The following WDR76 variants were observed in gnomAD, a reference collection of about 807,000 sequenced individuals.
WDR76 encodes WD repeat domain 76.
Under a neutral mutation model 70.2 loss-of-function variants are expected in WDR76, and 52 were observed. That is an observed-to-expected ratio of 0.74 (90% CI 0.59 to 0.93). WDR76 has a LOEUF of 0.93. Ranked by LOEUF, WDR76 falls within the 40% of genes least tolerant of loss-of-function variation. The probability of loss-of-function intolerance (pLI) is 0.00; values close to 1 mark genes in which losing one functional copy is unlikely to be tolerated. For missense variants in WDR76, 756 were observed against 760.2 expected, an observed-to-expected ratio of 0.99 and a Z score of 0.07; for synonymous variants, 292 against 271.1, an observed-to-expected ratio of 1.08 and a Z score of -0.76.
rs2087958602 is a variant in WDR76, at chr15:43,858,512, C to CTGGG, written c.1410-158_1410-155dup. 8.3e-6 allele frequency: 7 copies of CTGGG among 842,934 alleles called. No individual in the cohort carries two copies. The South Asian group carries it at 1.2e-4, about 14-fold the overall frequency. 52.2% of individuals were successfully genotyped at this position (842,934 alleles called of 1,614,324 possible). A position where few individuals can be genotyped will look rare whatever the true frequency, so the allele number is the denominator to read the frequency against. On this transcript the variant is annotated intron_variant, in intron 10 of 12. Transcript: ENST00000263795. Reference sequence around the variant, plus strand: ...CCACCTGCCTCCACCTCCCAAAGTGCTGGGATTACAGACTTGAGCCACCGC... The same window carrying CTGGG: ...CCACCTGCCTCCACCTCCCAAAGTGCTGGGTGGGATTACAGACTTGAGCCACCGC...
chr15:43,844,623 A>G (rs2140303783), intron 8 of WDR76, among the ~76,000 whole-genome samples: 1 of 151,254 alleles, frequency 6.6e-6, no homozygotes, highest in African/African-American at 2.4e-5. Context: ...CAAAAAAAAA[A>G]AAAGGGCTGG....
chr15:43,864,965 C>T (rs1027704645), intron 12 of WDR76, among the ~76,000 whole-genome samples: 10 of 152,186 alleles, frequency 6.6e-5, no homozygotes, highest in African/African-American at 1.2e-4. Flanking sequence ...CCCTCTGACA[C>T]GGGGGCTGGA....
intron 2 of WDR76, among the ~76,000 whole-genome samples, chr15:43,832,253 G>A (rs1322830586): frequency 6.6e-6 from 1 of 151,850 alleles, no homozygotes; most frequent in Non-Finnish European, 1.5e-5. Flanking sequence ...TTTCTGGCTG[G>A]GTGTGGTAAG....
intron 12 of WDR76, among the ~76,000 whole-genome samples, chr15:43,864,756 G>A (rs564063568): frequency 6.6e-6 from 1 of 151,810 alleles, no homozygotes; most frequent in South Asian, 2.1e-4. Flanking sequence ...ACAATGCCTG[G>A]CTAACTTTCC....
At chr15:43,850,099 G>C (rs147324918) in intron 8 of WDR76, among the ~76,000 whole-genome samples, 2 of 152,072 alleles carry the variant, frequency 1.3e-5, no homozygotes, top group African/African-American at 4.8e-5. Flanking sequence ...GAGTAAGCCA[G>C]ATTTAGAGGT....
chr15:43,854,109 T>A (rs1027523300), intron 9 of WDR76, among the ~76,000 whole-genome samples: 2 of 152,064 alleles, frequency 1.3e-5, no homozygotes, highest in African/African-American at 4.8e-5. Context: ...AATTGGTATG[T>A]GAAATGGTAA....
Position 43,867,114 on chromosome 15 carries a change from A to G in WDR76, c.*722A>G, listed in dbSNP as rs1177720231. The G allele has an allele frequency of 6.6e-6, 1 of 152,196 alleles. No individual in the cohort carries two copies. Among genetic ancestry groups the G allele is most frequent in the Admixed American group, 6.5e-5 (1 of 15,280 alleles). The allele number at this position is 152,196 out of a possible 1,614,324, so 9.4% of individuals were successfully genotyped here. On this transcript the variant is annotated 3_prime_UTR_variant, in exon 13 of 13. Transcript: ENST00000263795. Reference sequence around the variant, plus strand: ...ACACTGGAAGGGGACCCGGAAAGGTAATGTAACTCAGTGATTTTAAAACTT... The same window carrying G: ...ACACTGGAAGGGGACCCGGAAAGGTGATGTAACTCAGTGATTTTAAAACTT...
chr15:43,862,392 A>T (rs2088012415), intron 12 of WDR76, among the ~76,000 whole-genome samples: 1 of 135,326 alleles, frequency 7.4e-6, no homozygotes, highest in African/African-American at 2.8e-5. Flanking sequence ...ATCTTGGCTC[A>T]CTGCAGCCTC....
At position 43,827,986 on chromosome 15, in the gene WDR76, C is replaced by G. The variant is rs775967148; in HGVS notation, c.82C>G (p.Gln28Glu). The stretch of plus-strand genomic sequence containing the variant: ...ATAGGTAAATGAATATAAAGAAAAT[C>G]AAAACATCGCTTATGTGTCTCTGAG... ...QMKVNEYKEN[Q>E]NIAYVSLRPA... is the part of the protein sequence containing the mutation. Residue 28 changes from glutamine to glutamate, a missense_variant, in exon 2 of 13, where the codon CAA (glutamine) becomes GAA (glutamate). By Grantham distance (29) the Gln-to-Glu change is conservative. Coordinates refer to ENST00000263795, the MANE Select transcript of WDR76 (RefSeq NM_024908.4). The G allele has an allele frequency of 6.2e-7, 1 of 1,604,046 alleles. No individual in the cohort carries two copies. The highest frequency in any genetic ancestry group is 1.8e-5 in the Admixed American group (1 of 56,966).
intron 9 of WDR76, among the ~76,000 whole-genome samples, chr15:43,852,788 C>T (rs2087878392): frequency 6.6e-6 from 1 of 152,202 alleles, no homozygotes; most frequent in African/African-American, 2.4e-5. Context: ...TGTATCAGTA[C>T]TTCATTCCTT....
chr15:43,847,022 CAAAAAAAAAAAAA>C (rs57096588), intron 8 of WDR76, among the ~76,000 whole-genome samples: 1 of 66,702 alleles, frequency 1.5e-5, no homozygotes, highest in South Asian at 5.8e-4. Flanking sequence ...AACACCACCT[CAAAAAAAAAAAAA>C]AAAAAAAAAA....
At chr15:43,858,635 C>G in intron 10 of WDR76, 36 bp from the exon 11 acceptor site, 1 of 1,607,234 alleles carries the variant, frequency 6.2e-7, no homozygotes, top group East Asian at 2.2e-5. Flanking sequence ...ATTACATGTA[C>G]TATGGCAACA....
chr15:43,835,182 C>T (rs753055226), intron 3 of WDR76, 32 bp downstream of exon 3: 4 of 1,599,438 alleles, frequency 2.5e-6, no homozygotes, highest in Non-Finnish European at 2.6e-6. Context: ...AAGCAAGATG[C>T]AGGGCCGGGA....
At chr15:43,852,235 G>C (rs1166437253) in intron 9 of WDR76, among the ~76,000 whole-genome samples, 1 of 152,118 alleles carries the variant, frequency 6.6e-6, no homozygotes, top group African/African-American at 2.4e-5. Context: ...CTAGGCTGGA[G>C]TGCAGTGGCG....
At chr15:43,860,782 C>T (rs2087986095) in intron 11 of WDR76, among the ~76,000 whole-genome samples, 2 of 152,020 alleles carry the variant, frequency 1.3e-5, no homozygotes, top group South Asian at 2.1e-4. Flanking sequence ...GCTGAGATTA[C>T]AGGCATGAGC....
chr15:43,827,381 G>T (rs1448657825), intron 1 of WDR76, among the ~76,000 whole-genome samples: 2 of 152,170 alleles, frequency 1.3e-5, no homozygotes, highest in Non-Finnish European at 2.9e-5. Flanking sequence ...CTGACAGTTG[G>T]GGTATTTGCC....
intron 8 of WDR76, among the ~76,000 whole-genome samples, chr15:43,848,099 G>A (rs867096793): frequency 6.6e-6 from 1 of 151,888 alleles, no homozygotes; most frequent in African/African-American, 2.4e-5. Flanking sequence ...AAAACTGGAT[G>A]TAGTGGTGTG....
intron 8 of WDR76, among the ~76,000 whole-genome samples, chr15:43,845,239 G>A (rs942128828): frequency 1.3e-5 from 2 of 149,830 alleles, no homozygotes; most frequent in Non-Finnish European, 3.0e-5. Context: ...ATGAGCCACG[G>A]CGCCCAGCCC....
chr15:43,850,056 A>G (rs921080707), intron 8 of WDR76, among the ~76,000 whole-genome samples: 1 of 151,710 alleles, frequency 6.6e-6, no homozygotes, highest in Non-Finnish European at 1.5e-5. Context: ...TAAAATAAAA[A>G]AGAAAACAAA....
Sources: gnomAD v4.1 joint callset for allele counts (sites outside exome capture counted in the v4.1 genomes callset) on GRCh38, gnomAD v4.1.1 for gene constraint, MANE v1.5 for transcripts, NCBI Gene and HGNC (gene_info 2026-07-23, HGNC 2026-07-21) for gene names.